Variants in LRP1B observed in about 807,000 individuals in gnomAD.
LRP1B encodes LDL receptor related protein 1B, also known as low-density lipoprotein receptor-related protein 1B.
In LRP1B, 217 loss-of-function variants were observed where a neutral mutation model predicts 556.6. The ratio of observed to expected loss-of-function variants is 0.39; its 90% CI spans 0.35 to 0.44. The LOEUF is 0.44. Ranked by LOEUF, LRP1B falls within the 20% of genes least tolerant of loss-of-function variation. The pLI, the probability that LRP1B is intolerant of heterozygous loss-of-function variation, is 1.00. For missense variants in LRP1B, 5,053 were observed against 5,620.8 expected, an observed-to-expected ratio of 0.90 and a Z score of 3.23; for synonymous variants, 2,047 against 1,865.8, an observed-to-expected ratio of 1.10 and a Z score of -2.50.
At chr2:141,932,292 G>C (rs1423172919) in intron 1 of LRP1B, among the ~76,000 whole-genome samples, 2 of 152,002 alleles carry the variant, frequency 1.3e-5, no homozygotes, top group Non-Finnish European at 2.9e-5. Flanking sequence ...AACATTAAAA[G>C]TATTAAAGTA....
chr2:141,834,977 A>G (rs897240764), intron 1 of LRP1B, among the ~76,000 whole-genome samples: 1 of 151,944 alleles, frequency 6.6e-6, no homozygotes, highest in Admixed American at 6.6e-5. Context: ...CTTAGGATAT[A>G]AAGTCAAGGA....
At chr2:141,348,749 A>C (rs570065755) in intron 3 of LRP1B, among the ~76,000 whole-genome samples, 1 of 152,138 alleles carries the variant, frequency 6.6e-6, no homozygotes, top group African/African-American at 2.4e-5. Flanking sequence ...TAACCTGTTG[A>C]TATGGTTTGG....
intron 25 of LRP1B, among the ~76,000 whole-genome samples, chr2:140,873,515 A>G (rs535666991): frequency 6.6e-6 from 1 of 152,230 alleles, no homozygotes; most frequent in African/African-American, 2.4e-5. Flanking sequence ...AGAAATGAAC[A>G]AGGACAGCTT....
At chr2:141,276,638 T>TTTTTTTTC (rs773180287) in intron 3 of LRP1B, among the ~76,000 whole-genome samples, 6 of 137,252 alleles carry the variant, frequency 4.4e-5, no homozygotes, top group Admixed American at 3.1e-4. Context: ...CATTCTATTT[T>TTTTTTTTC]TTTCTTTCTT....
intron 87 of LRP1B, among the ~76,000 whole-genome samples, chr2:140,241,387 TGGTG>T (rs1396140345): frequency 6.6e-6 from 1 of 150,778 alleles, no homozygotes; most frequent in Non-Finnish European, 1.5e-5. Context: ...TGTATAAAAT[TGGTG>T]GGTGTAAAAT....
At chr2:140,821,229 C>T (rs1006098895) in intron 31 of LRP1B, among the ~76,000 whole-genome samples, 10 of 151,938 alleles carry the variant, frequency 6.6e-5, no homozygotes, top group African/African-American at 2.4e-4. Context: ...ACTTCATAAC[C>T]TTTTTAAAAA....
chr2:140,722,007 C>T (rs992494267), intron 35 of LRP1B, among the ~76,000 whole-genome samples: 2 of 152,100 alleles, frequency 1.3e-5, no homozygotes, highest in African/African-American at 4.8e-5. Flanking sequence ...CACACAGACT[C>T]CTCTGTGTCT....
rs917158161 is a variant in LRP1B at position 140,232,935 on chromosome 2, G to T, written c.*251C>A. 1.3e-5 allele frequency: 4 copies of T among 296,362 alleles called. No homozygotes were observed. Among genetic ancestry groups the T allele is most frequent in the African/African-American group, 4.3e-5 (2 of 45,986 alleles). The allele number at this position is 296,362 out of a possible 1,614,324, so 18.4% of individuals were successfully genotyped here. ...TGTTTTTAATTTTAACAAATTCAAAGGTGTGTCATATCAGCAGCATTGTTG... is the reference window on the plus strand; with the variant it reads ...TGTTTTTAATTTTAACAAATTCAAATGTGTGTCATATCAGCAGCATTGTTG... On this transcript the variant is annotated 3_prime_UTR_variant, in exon 91 of 91. Transcript: ENST00000389484.
At chr2:140,692,595 C>T (rs1686283781) in intron 41 of LRP1B, among the ~76,000 whole-genome samples, 1 of 152,098 alleles carries the variant, frequency 6.6e-6, no homozygotes, top group Non-Finnish European at 1.5e-5. Context: ...GAGAGATTGA[C>T]TATACTTTAG....
At chr2:140,712,254 T>G (rs1257437363) in intron 37 of LRP1B, among the ~76,000 whole-genome samples, 1 of 152,140 alleles carries the variant, frequency 6.6e-6, no homozygotes, top group Non-Finnish European at 1.5e-5. Flanking sequence ...AGGTAAAGTT[T>G]AGACTCTAGA....
intron 41 of LRP1B, among the ~76,000 whole-genome samples, chr2:140,667,799 C>T (rs946405741): frequency 6.6e-6 from 1 of 152,154 alleles, no homozygotes; most frequent in Non-Finnish European, 1.5e-5. Context: ...ACATTAATTA[C>T]ATTCTGCCTT....
At chr2:141,325,504 T>C (rs1687400569) in intron 3 of LRP1B, among the ~76,000 whole-genome samples, 1 of 152,138 alleles carries the variant, frequency 6.6e-6, no homozygotes, top group African/African-American at 2.4e-5. Context: ...CAGACTATAC[T>C]AGGTAACATA....
At chr2:141,516,571 A>T (rs537719344) in intron 2 of LRP1B, among the ~76,000 whole-genome samples, 2 of 152,170 alleles carry the variant, frequency 1.3e-5, no homozygotes, top group African/African-American at 4.8e-5. Context: ...TTGTTAAAAA[A>T]TTTTACCCAG....
At chr2:142,000,700 A>C (rs938561571) in intron 1 of LRP1B, among the ~76,000 whole-genome samples, 30 of 152,276 alleles carry the variant, frequency 2.0e-4, no homozygotes, top group Middle Eastern at 3.4e-3. Context: ...AAACAGTTTT[A>C]ATCTCTACAC....
chr2:140,930,507 A>G (rs1459331693), intron 20 of LRP1B, among the ~76,000 whole-genome samples: 1 of 152,158 alleles, frequency 6.6e-6, no homozygotes, highest in East Asian at 1.9e-4. Flanking sequence ...AAAATCATAC[A>G]TATGATATAA....
intron 1 of LRP1B, among the ~76,000 whole-genome samples, chr2:141,873,801 TA>T (rs201832070): frequency 2.2e-3 from 318 of 145,938 alleles, no homozygotes; most frequent in Middle Eastern, 0.01. Context: ...GGGATGAGGT[TA>T]AAAAAAAAAA....
intron 41 of LRP1B, among the ~76,000 whole-genome samples, chr2:140,666,938 C>A (rs1160118603): frequency 1.3e-5 from 2 of 152,154 alleles, no homozygotes; most frequent in African/African-American, 4.8e-5. Context: ...AACTCTTTTC[C>A]CTTGCATTAA....
intron 1 of LRP1B, among the ~76,000 whole-genome samples, chr2:142,056,123 CCTGA>C (rs1165576180): frequency 1.3e-5 from 2 of 152,018 alleles, no homozygotes; most frequent in Non-Finnish European, 2.9e-5. Flanking sequence ...TGCACTCCAG[CCTGA>C]CTGACAGAGT....
intron 1 of LRP1B, among the ~76,000 whole-genome samples, chr2:142,047,612 C>T (rs1704306651): frequency 6.6e-6 from 1 of 151,778 alleles, no homozygotes; most frequent in South Asian, 2.1e-4. Context: ...CAAACTATTT[C>T]CTATGTCTTT....
Sources: gnomAD v4.1 joint callset for allele counts (sites outside exome capture counted in the v4.1 genomes callset) on GRCh38, gnomAD v4.1.1 for gene constraint, MANE v1.5 for transcripts, NCBI Gene and HGNC (gene_info 2026-07-23, HGNC 2026-07-21) for gene names.